Variants in TAFA5 observed in about 807,000 individuals in gnomAD.
TAFA5 encodes TAFA chemokine like family member 5.
Under a neutral mutation model 15.3 loss-of-function variants are expected in TAFA5, and 6 were observed. The ratio of observed to expected loss-of-function variants is 0.39; its 90% CI spans 0.21 to 0.77. The LOEUF is 0.77. Ranked by LOEUF, TAFA5 falls within the 30% of genes least tolerant of loss-of-function variation. The probability of loss-of-function intolerance (pLI) is 0.41; values close to 1 mark genes in which losing one functional copy is unlikely to be tolerated. For synonymous variants in TAFA5, 103 were observed against 80.7 expected (o/e 1.28, Z -1.48); for missense variants, 161 against 193.1 (o/e 0.83, Z 0.98).
chr22:48,714,077 G>C (rs2147255995), intron 3 of TAFA5, among the ~76,000 whole-genome samples: 1 of 152,358 alleles, frequency 6.6e-6, no homozygotes, highest in East Asian at 1.9e-4. Context: ...CCCTCGCCCA[G>C]GGCGGCCCTG....
intron 3 of TAFA5, among the ~76,000 whole-genome samples, chr22:48,723,481 C>A (rs1325051889): frequency 6.6e-6 from 1 of 152,126 alleles, no homozygotes; most frequent in Non-Finnish European, 1.5e-5. Context: ...TCACCTCTTC[C>A]TGAACTGGAA....
intron 1 of TAFA5, among the ~76,000 whole-genome samples, chr22:48,586,690 CG>C (rs1452421288): frequency 1.3e-5 from 2 of 152,206 alleles, no homozygotes; most frequent in Non-Finnish European, 2.9e-5. Context: ...TCTCTGGATC[CG>C]GAGGTCCTGG....
In TAFA5 at chr22:48,552,963, C is replaced by T. The variant is rs543798295; in HGVS notation, c.112+63259C>T. Among the ~76,000 whole-genome samples the T allele has an allele frequency of 1.9e-4, 29 of 152,276 alleles. No individual in the cohort carries two copies. Among genetic ancestry groups the T allele is most frequent in the East Asian group, 1.6e-3 (8 of 5,152 alleles). On this transcript the variant is annotated intron_variant, in intron 1 of 3. Coordinates refer to ENST00000402357, the MANE Select transcript of TAFA5 (RefSeq NM_001082967.3). The surrounding 1 kb of genome is among the most constrained non-coding windows in gnomAD (Gnocchi z 4.1). ...ACCTGGGGCTGATCTGAGGGGGGCT[C>T]GTCCCCAACCACCTGGTCACAGGCA...
intron 2 of TAFA5, among the ~76,000 whole-genome samples, chr22:48,703,044 C>G (rs1468777332): frequency 6.6e-6 from 1 of 152,190 alleles, no homozygotes; most frequent in Non-Finnish European, 1.5e-5. Context: ...TGTGCAGATA[C>G]ATATCTGTGT....
At chr22:48,536,620 G>T (rs1313074484) in intron 1 of TAFA5, among the ~76,000 whole-genome samples, 1 of 152,240 alleles carries the variant, frequency 6.6e-6, no homozygotes, top group Non-Finnish European at 1.5e-5. Context: ...ACCGCCTGAA[G>T]AATTTTTAAC....
chr22:48,682,570 A>G (rs4244607), intron 2 of TAFA5, among the ~76,000 whole-genome samples: 99,401 of 152,150 alleles, frequency 0.65, 33,453 homozygotes, highest in Non-Finnish European at 0.74. Flanking sequence ...TGAAAGCAGA[A>G]GACCCTGACG....
intron 1 of TAFA5, among the ~76,000 whole-genome samples, chr22:48,613,113 C>T (rs73427973): frequency 0.046 from 7,053 of 152,280 alleles, 535 homozygotes; most frequent in African/African-American, 0.16. Context: ...TTCCTGTGCT[C>T]GGGAATATGC....
At chr22:48,669,074 C>G (rs1927718520) in intron 2 of TAFA5, among the ~76,000 whole-genome samples, 1 of 152,220 alleles carries the variant, frequency 6.6e-6, no homozygotes, top group South Asian at 2.1e-4. Context: ...ACCCTCCCCA[C>G]TTCCCCGACG....
chr22:48,738,453 G>A (rs2147271889), intron 3 of TAFA5, among the ~76,000 whole-genome samples: 1 of 152,166 alleles, frequency 6.6e-6, no homozygotes, highest in African/African-American at 2.4e-5. Flanking sequence ...CACAGCAAGG[G>A]AAGGTCGAAG....
intron 1 of TAFA5, among the ~76,000 whole-genome samples, chr22:48,501,254 C>T (rs570770886): frequency 1.5e-3 from 234 of 152,330 alleles, no homozygotes; most frequent in African/African-American, 5.2e-3. Flanking sequence ...CCTTCTCTCC[C>T]GGGCACCGGG....
intron 1 of TAFA5, among the ~76,000 whole-genome samples, chr22:48,562,273 G>A (rs909899215): frequency 1.5e-4 from 23 of 151,676 alleles, no homozygotes; most frequent in Non-Finnish European, 5.9e-5. Context: ...GAGTAGCTGG[G>A]ACTACAGGCG....
chr22:48,533,287 G>A (rs1922035385), intron 1 of TAFA5, among the ~76,000 whole-genome samples: 2 of 152,166 alleles, frequency 1.3e-5, no homozygotes. Flanking sequence ...GGGGAGGGGT[G>A]CAGCCGTCAA....
chr22:48,575,115 G>A (rs1168772671), intron 1 of TAFA5, among the ~76,000 whole-genome samples: 1 of 152,174 alleles, frequency 6.6e-6, no homozygotes, highest in Non-Finnish European at 1.5e-5. Context: ...GGCTGGGGCG[G>A]TACCTGGGCC....
chr22:48,625,289 T>G (rs1259231887), intron 1 of TAFA5, among the ~76,000 whole-genome samples: 1 of 152,172 alleles, frequency 6.6e-6, no homozygotes, highest in Non-Finnish European at 1.5e-5. Flanking sequence ...ACACCGTGTG[T>G]AACCACCATA....
chr22:48,604,709 A>G lies in TAFA5; in HGVS notation c.113-41888A>G, dbSNP rs187386154. Among the ~76,000 whole-genome samples, 32 of 151,912 alleles carry G rather than the reference A, an allele frequency of 2.1e-4. 1 individual carries two copies. In the East Asian group the frequency reaches 4.3e-3, roughly 20 times the overall value. ...CTTCTGGTGTAGCTGCAGCCCATAG[A>G]TTTTTTTTCCATCCTTCCACTCTTA... On this transcript the variant is annotated intron_variant, in intron 1 of 3. Coordinates refer to ENST00000402357, the MANE Select transcript of TAFA5 (RefSeq NM_001082967.3).
At chr22:48,614,745 C>T (rs774844520) in intron 1 of TAFA5, among the ~76,000 whole-genome samples, 7 of 152,182 alleles carry the variant, frequency 4.6e-5, no homozygotes, top group African/African-American at 7.2e-5. Context: ...CAGGGTGCTG[C>T]GCGTCCTGTT....
At chr22:48,533,230 A>G (rs961087473) in intron 1 of TAFA5, among the ~76,000 whole-genome samples, 1 of 152,262 alleles carries the variant, frequency 6.6e-6, no homozygotes, top group African/African-American at 2.4e-5. Flanking sequence ...TGCAAGGAGC[A>G]AAGAATAGAA....
chr22:48,599,195 C>T (rs1924874907), intron 1 of TAFA5, among the ~76,000 whole-genome samples: 1 of 152,142 alleles, frequency 6.6e-6, no homozygotes, highest in Non-Finnish European at 1.5e-5. Context: ...AATCTCCAGC[C>T]CCTTTCTGGA....
chr22:48,567,960 G>A lies in TAFA5; in HGVS notation c.112+78256G>A, dbSNP rs150695482. Among the ~76,000 whole-genome samples the A allele has an allele frequency of 2.5e-3, 385 of 152,368 alleles. 1 individual carries two copies. Among genetic ancestry groups the A allele is most frequent in the Admixed American group, 5.6e-3 (85 of 15,312 alleles). Reference sequence around the variant, plus strand: ...GTCCTAGAGCTGGGAGGTGAGACCAGTGAAGAGCATGGATCCACCGTGGGC... The same window carrying A: ...GTCCTAGAGCTGGGAGGTGAGACCAATGAAGAGCATGGATCCACCGTGGGC... On this transcript the variant is annotated intron_variant, in intron 1 of 3. Coordinates refer to ENST00000402357, the MANE Select transcript of TAFA5 (RefSeq NM_001082967.3).
Sources: gnomAD v4.1 joint callset for allele counts (sites outside exome capture counted in the v4.1 genomes callset) on GRCh38, gnomAD v4.1.1 for gene constraint, Gnocchi (gnomAD v3.1) non-coding constraint, MANE v1.5 for transcripts, NCBI Gene and HGNC (gene_info 2026-07-23, HGNC 2026-07-21) for gene names.